GPR142: variants seen among roughly 807,000 people sequenced by gnomAD.
The protein encoded by GPR142 is G protein-coupled receptor 142.
In GPR142, 9 loss-of-function variants were observed where a neutral mutation model predicts 10.6. The ratio of observed to expected loss-of-function variants is 0.85; its 90% CI spans 0.51 to 1.48. The LOEUF is 1.48. Ranked by LOEUF, GPR142 falls within the 40% of genes most tolerant of loss-of-function variation. The probability of loss-of-function intolerance (pLI) is 0.00; values close to 1 mark genes in which losing one functional copy is unlikely to be tolerated. For synonymous variants in GPR142, 202 were observed against 221.2 expected (o/e 0.91, Z 0.77); for missense variants, 482 against 506.0 (o/e 0.95, Z 0.45).
chr17:74,368,550 T>A (rs1338031794), intron 1 of GPR142, among the ~76,000 whole-genome samples: 1 of 152,158 alleles, frequency 6.6e-6, no homozygotes, highest in Non-Finnish European at 1.5e-5. Context: ...GCTCCCTATA[T>A]TTCCTGCCAT....
Position 74,370,667 on chromosome 17 carries a change from T to G in GPR142, c.241T>G (p.Leu81Val). Reference protein sequence around the residue: ...PVIYYSVLLGLGLPVSLLTAV... With the variant: ...PVIYYSVLLGVGLPVSLLTAV... ...CATCTACTACAGTGTCCTGCTGGGCTTGGGGCTGCCTGGTGAGTGGGGAGC... is the reference window on the plus strand; with the variant it reads ...CATCTACTACAGTGTCCTGCTGGGCGTGGGGCTGCCTGGTGAGTGGGGAGC... The change falls in exon 3 of 4, where the codon TTG becomes GTG. Residue 81 changes from leucine (L) to valine (V), a missense_variant. Coordinates refer to ENST00000582579, the MANE Select transcript of GPR142 (RefSeq NM_001331076.1). 1 of 1,612,508 alleles carries G rather than the reference T, an allele frequency of 6.2e-7. No homozygotes were observed. Among genetic ancestry groups the G allele is most frequent in the Non-Finnish European group, 8.5e-7 (1 of 1,179,054 alleles).
Position 74,367,554 on chromosome 17 carries a change from A to G in GPR142, c.-314A>G, listed in dbSNP as rs749646322. 1 of 1,614,000 alleles carries G rather than the reference A, an allele frequency of 6.2e-7. No homozygotes were observed. Among genetic ancestry groups the G allele is most frequent in the Non-Finnish European group, 8.5e-7 (1 of 1,179,902 alleles). On this transcript the variant is annotated 5_prime_UTR_variant, in exon 1 of 4. Coordinates refer to ENST00000582579, the MANE Select transcript of GPR142 (RefSeq NM_001331076.1). ...GGAGCAAAAGATCCAGTGGGTCCCC[A>G]CTTCCCTGCAGGACATCACTGCTGT...
At chr17:74,368,386 C>T (rs916254473) in intron 1 of GPR142, among the ~76,000 whole-genome samples, 4 of 152,160 alleles carry the variant, frequency 2.6e-5, no homozygotes, top group Non-Finnish European at 5.9e-5. Context: ...ACTGTGCCAC[C>T]CAGGGTGCCT....
intron 2 of GPR142, 72 bp downstream of exon 2, chr17:74,369,706 A>T: frequency 6.9e-7 from 1 of 1,441,656 alleles, no homozygotes; most frequent in Non-Finnish European, 9.2e-7. Flanking sequence ...GAGGCAGGTT[A>T]GGGACCTAGA....
chr17:74,372,450 C>T lies in GPR142; in HGVS notation c.975C>T (p.Leu325=), dbSNP rs2055037904. 1.9e-6 allele frequency: 3 copies of T among 1,613,928 alleles called. No homozygotes were observed. The highest frequency in any genetic ancestry group is 2.5e-6 in the Non-Finnish European group (3 of 1,180,064). ...TCCACACGGCAGCCAACTTCGGCCT[C>T]TACTGCTTTGTCAGCAAGACTTTCC... ...AMLHTAANFG[L]YCFVSKTFRA... The change falls in exon 4 of 4, where the codon CTC becomes CTT. Residue 325 remains leucine (L), a synonymous_variant. Coordinates refer to ENST00000582579, the MANE Select transcript of GPR142 (RefSeq NM_001331076.1).
intron 1 of GPR142, among the ~76,000 whole-genome samples, chr17:74,368,486 T>G (rs574384004): frequency 1.3e-5 from 2 of 150,120 alleles, no homozygotes; most frequent in Non-Finnish European, 3.0e-5. Context: ...CGAGGGGGGG[T>G]TGGGATGGGG....
At chr17:74,370,231 A>T (rs141229463) in intron 2 of GPR142, among the ~76,000 whole-genome samples, 2,254 of 152,294 alleles carry the variant, frequency 0.015, 30 homozygotes, top group Middle Eastern at 0.024. Flanking sequence ...GTGAGGGCCC[A>T]TGGGGAGGAC....
chr17:74,368,099 A>G (rs865782335), intron 1 of GPR142, among the ~76,000 whole-genome samples: 55 of 152,204 alleles, frequency 3.6e-4, no homozygotes, highest in African/African-American at 1.2e-3. Context: ...TCGGCAACAC[A>G]GCGAGGCCCC....
chr17:74,370,458 G>C, intron 2 of GPR142, 63 bp from the exon 3 acceptor site: 2 of 1,538,516 alleles, frequency 1.3e-6, no homozygotes, highest in Non-Finnish European at 1.8e-6. Context: ...TCAGGGCGGG[G>C]CTGCGCCCAG....
chr17:74,371,694 A>G, intron 3 of GPR142, 35 bp from the exon 4 acceptor site: 1 of 1,567,462 alleles, frequency 6.4e-7, no homozygotes, highest in African/African-American at 1.3e-5. Flanking sequence ...CTCTCTTCTG[A>G]TGCCTCTCCC....
Position 74,371,890 on chromosome 17 carries a change from C to T in GPR142, c.415C>T (p.Pro139Ser). Residue 139 changes from proline (P) to serine (S), a missense_variant, in exon 4 of 4, where the codon CCC (proline) becomes TCC (serine). Physicochemically the swap from Pro to Ser is moderately conservative, Grantham distance 74 (BLOSUM62 -1). Coordinates refer to ENST00000582579, the MANE Select transcript of GPR142 (RefSeq NM_001331076.1). ...GGGAGCAGTGCTGGCCCGCCAGGTGCCCCAGGCTGTGGTGCGCACGGCCAA... is the reference window on the plus strand; with the variant it reads ...GGGAGCAGTGCTGGCCCGCCAGGTGTCCCAGGCTGTGGTGCGCACGGCCAA... ...LQGAVLARQVPQAVVRTANIL... is the reference protein window; with the variant it reads ...LQGAVLARQVSQAVVRTANIL... 6.2e-7 allele frequency: 1 copy of T among 1,613,164 alleles called. No homozygotes were observed. Among genetic ancestry groups the T allele is most frequent in the Non-Finnish European group, 8.5e-7 (1 of 1,180,000 alleles).
Position 74,372,431 on chromosome 17 carries a change from C to T in GPR142, c.956C>T (p.Thr319Met), listed in dbSNP as rs141197422. Residue 319 changes from threonine (T) to methionine (M), a missense_variant, in exon 4 of 4, where the codon ACG (threonine) becomes ATG (methionine). Transcript: ENST00000582579. ...DVANMVAMLH[T>M]AANFGLYCFV... ...GCCAATATGGTGGCCATGCTCCACA[C>T]GGCAGCCAACTTCGGCCTCTACTGC... is the stretch of plus-strand genomic sequence containing the variant. 2.5e-5 allele frequency: 41 copies of T among 1,613,864 alleles called. No homozygotes were observed. Among genetic ancestry groups the T allele is most frequent in the South Asian group, 3.3e-5 (3 of 91,086 alleles).
Position 74,371,159 on chromosome 17 carries a change from C to CTTTTTTTT in GPR142, c.253+488_253+495dup, listed in dbSNP as rs3050698. 3.1e-4 allele frequency among the ~76,000 whole-genome samples: 38 copies of CTTTTTTTT among 124,090 alleles called. 1 individual carries two copies. The highest frequency in any genetic ancestry group is 9.9e-3 in the Middle Eastern group (2 of 202). The allele number at this position is 124,090 out of a possible 152,430, so 81.4% of individuals were successfully genotyped here. ...GAGGACAATGCCATAGGACAGGTAG[C>CTTTTTTTT]TTTTTTTTTTTTTTTGAGATGGAGT... On this transcript the variant is annotated intron_variant, in intron 3 of 3. Coordinates refer to ENST00000582579, the MANE Select transcript of GPR142 (RefSeq NM_001331076.1).
chr17:74,371,611 G>C (rs1007706470), intron 3 of GPR142, 118 bp from the exon 4 acceptor site: 2 of 1,085,364 alleles, frequency 1.8e-6, no homozygotes, highest in Admixed American at 5.2e-5. Context: ...GGAGAAAAAA[G>C]AGAAGCCAGC....
At chr17:74,370,727 GGAT>G (rs757179424) in intron 3 of GPR142, 48 bp downstream of exon 3, 3 of 1,567,456 alleles carry the variant, frequency 1.9e-6, no homozygotes, top group South Asian at 2.3e-5. Context: ...CCAGAAATGG[GGAT>G]CCTCCTTCAA....
At position 74,369,664 on chromosome 17, in the gene GPR142, G is replaced by A. The variant is rs545680316; in HGVS notation, c.94+30G>A. Reference sequence around the variant, plus strand: ...GGCATCTTGAAGTGGGGTGTGCTGGGGGCAATAAGGTGGAAAGGCAGGAGG... The same window carrying A: ...GGCATCTTGAAGTGGGGTGTGCTGGAGGCAATAAGGTGGAAAGGCAGGAGG... On this transcript the variant is annotated intron_variant, in intron 2 of 3. Coordinates refer to ENST00000582579, the MANE Select transcript of GPR142 (RefSeq NM_001331076.1). 1.6e-4 allele frequency: 243 copies of A among 1,530,858 alleles called. 3 individuals are homozygous for A. In the East Asian group the frequency reaches 4.2e-3, roughly 27 times the overall value. The allele number at this position is 1,530,858 out of a possible 1,614,324, so 94.8% of individuals were successfully genotyped here. A position where few individuals can be genotyped will look rare whatever the true frequency, so the allele number is the denominator to read the frequency against.
At chr17:74,367,835 A>G in intron 1 of GPR142, 41 bp downstream of exon 1, 2 of 1,518,960 alleles carry the variant, frequency 1.3e-6, no homozygotes, top group South Asian at 1.3e-5. Context: ...TCATTGTAGC[A>G]AACTCAGTCC....
intron 3 of GPR142, 110 bp downstream of exon 3, chr17:74,370,789 C>A: frequency 9.4e-7 from 1 of 1,060,348 alleles, no homozygotes; most frequent in Non-Finnish European, 1.3e-6. Flanking sequence ...GATCATAGAC[C>A]CCTGGTCTTT....
At position 74,372,315 on chromosome 17, in the gene GPR142, C is replaced by T; in HGVS notation, c.840C>T (p.Leu280=). 10 of 1,613,924 alleles carry T rather than the reference C, an allele frequency of 6.2e-6. No individual in the cohort carries two copies. The highest frequency in any genetic ancestry group is 1.1e-5 in the South Asian group (1 of 91,070). ...ILLGITTLFT[L]LWAPRVFVML... ...TGGGCATCACCACACTGTTCACCCT[C>T]CTGTGGGCGCCCCGGGTCTTCGTCA... Residue 280 remains leucine, a synonymous_variant, in exon 4 of 4, where the codon CTC becomes CTT. Coordinates refer to ENST00000582579, the MANE Select transcript of GPR142 (RefSeq NM_001331076.1).
Sources: gnomAD v4.1 joint callset for allele counts (sites outside exome capture counted in the v4.1 genomes callset) on GRCh38, gnomAD v4.1.1 for gene constraint, MANE v1.5 for transcripts, NCBI Gene and HGNC (gene_info 2026-07-23, HGNC 2026-07-21) for gene names.